Variants in SPDYE1 observed in about 807,000 individuals in gnomAD.
SPDYE1 encodes the protein speedy/RINGO cell cycle regulator family member E1, also known as speedy protein E1.
A neutral mutation model predicts 45.9 loss-of-function variants in SPDYE1; 29 were observed. That is an observed-to-expected ratio of 0.63 (90% CI 0.47 to 0.86). SPDYE1 has a LOEUF of 0.86. SPDYE1 is among the 40% of genes least tolerant of loss of function. The pLI is 0.00. For synonymous variants in SPDYE1, 134 were observed against 176.8 expected, an observed-to-expected ratio of 0.76 and a Z score of 1.92; for missense variants, 346 against 481.4, an observed-to-expected ratio of 0.72 and a Z score of 2.63.
chr7:44,005,374 G>A, intron 6 of SPDYE1, 147 bp downstream of exon 6: 1 of 1,264,452 alleles, frequency 7.9e-7, no homozygotes, highest in Non-Finnish European at 1.1e-6. Context: ...ATCATAGACT[G>A]TTGTTTCTAA....
In SPDYE1 at chr7:44,007,306, C is replaced by A. The variant is rs1233935532; in HGVS notation, c.791C>A (p.Ser264Tyr). ...GACATGGAGGAGGACGACGAGGACT[C>A]CAAACAAAACATCTTCCACTTCCTG... ...ANDMEEDDED[S>Y]KQNIFHFLYG... Residue 264 changes from serine (S) to tyrosine (Y), a missense_variant, in exon 7 of 9, where the codon TCC becomes TAC. Around this residue, in one of 4 missense-constraint regions of SPDYE1, gnomAD observed 186 missense variants for 219.1 expected, o/e 0.85. Coordinates refer to ENST00000693451, the MANE Select transcript of SPDYE1 (RefSeq NM_001378423.2). 2 of 1,613,042 alleles carry A rather than the reference C, an allele frequency of 1.2e-6. No homozygotes were observed. The highest frequency in any genetic ancestry group is 2.2e-5 in the South Asian group (2 of 91,018).
rs1312915471 is a variant in SPDYE1, at chr7:44,007,535, C to T, written c.1020C>T (p.Phe340=). The change falls in exon 7 of 9, where the codon TTC becomes TTT. Residue 340 remains phenylalanine (F), a synonymous_variant. Coordinates refer to ENST00000693451, the MANE Select transcript of SPDYE1 (RefSeq NM_001378423.2). ...IVLFQKRRFH[F]FCSMSCRAWV... The stretch of plus-strand genomic sequence containing the variant: ...TGTTCCAGAAACGTCGGTTCCACTT[C>T]TTCTGTTCCATGAGCTGCAGGGCTT... 2.5e-6 allele frequency: 4 copies of T among 1,613,562 alleles called. No individual in the cohort carries two copies. The highest frequency in any genetic ancestry group is 4.5e-5 in the East Asian group (2 of 44,892).
chr7:44,001,779 A>G (rs955370885), intron 3 of SPDYE1, among the ~76,000 whole-genome samples: 102 of 152,234 alleles, frequency 6.7e-4, no homozygotes, highest in Admixed American at 1.2e-3. Context: ...GCGAAACGTC[A>G]TTTATACTAA....
Position 44,004,887 on chromosome 7 carries a change from A to T in SPDYE1, c.667-255A>T. The T allele has an allele frequency of 5.1e-6, 3 of 582,564 alleles. No homozygotes were observed. In the Admixed American group the frequency reaches 8.3e-5, roughly 16 times the overall value. 36.1% of individuals were successfully genotyped at this position (582,564 alleles called of 1,614,324 possible). A position where few individuals can be genotyped will look rare whatever the true frequency, so the allele number is the denominator to read the frequency against. ...CCTCCTGACACCAGCCAACCTAGAC[A>T]CACCCCCTCCAAAGATCCCATCGGA... On this transcript the variant is annotated intron_variant, in intron 5 of 8. Transcript: ENST00000693451.
At position 44,007,517 on chromosome 7, in the gene SPDYE1, G is replaced by C; in HGVS notation, c.1002G>C (p.Gln334His). ...ACCGCTCTCAGATAGTCCTGTTCCA[G>C]AAACGTCGGTTCCACTTCTTCTGTT... The part of the protein sequence containing the change: ...RKNRSQIVLF[Q>H]KRRFHFFCSM... Residue 334 changes from glutamine to histidine, a missense_variant, in exon 7 of 9, where the codon CAG becomes CAC. By Grantham distance (24) the Gln-to-His change is conservative (BLOSUM62 0). Coordinates refer to ENST00000693451, the MANE Select transcript of SPDYE1 (RefSeq NM_001378423.2). The C allele has an allele frequency of 2.5e-6, 4 of 1,613,862 alleles. No homozygotes were observed. The highest frequency in any genetic ancestry group is 2.5e-6 in the Non-Finnish European group (3 of 1,180,046).
chr7:44,002,736 T>C lies in SPDYE1; in HGVS notation c.526T>C (p.Cys176Arg). 6.3e-7 allele frequency: 1 copy of C among 1,579,242 alleles called. No homozygotes were observed. The highest frequency in any genetic ancestry group is 8.5e-7 in the Non-Finnish European group (1 of 1,172,214). ...PEEIWVAEML[C>R]GLKMKLKRRR... ...GGAGATCTGGGTGGCGGAGATGCTGTGTGGCCTCAAGATGAAGCTGAAGCG... is the reference window on the plus strand; with the variant it reads ...GGAGATCTGGGTGGCGGAGATGCTGCGTGGCCTCAAGATGAAGCTGAAGCG... The change falls in exon 4 of 9, where the codon TGT becomes CGT. Residue 176 changes from cysteine (C) to arginine (R), a missense_variant. Physicochemically the swap from Cys to Arg is radical, Grantham distance 180. Around this residue, in one of 4 missense-constraint regions of SPDYE1, gnomAD observed 141 missense variants for 176.7 expected, o/e 0.80. Coordinates refer to ENST00000693451, the MANE Select transcript of SPDYE1 (RefSeq NM_001378423.2).
intron 3 of SPDYE1, 122 bp downstream of exon 3, chr7:44,001,406 G>A: frequency 6.5e-7 from 1 of 1,528,666 alleles, no homozygotes; most frequent in Non-Finnish European, 8.7e-7. Flanking sequence ...CCACGCAGGA[G>A]GACTCAGAAG....
rs2096072750 is a variant in SPDYE1, at chr7:44,007,340, G to A, written c.825G>A (p.Lys275=). ...ACATCTTCCACTTCCTGTATGGGAAGAACCGCTCTCGCATACCCTTGCTCC... is the reference window on the plus strand; with the variant it reads ...ACATCTTCCACTTCCTGTATGGGAAAAACCGCTCTCGCATACCCTTGCTCC... The part of the protein sequence containing the change: ...KQNIFHFLYG[K]NRSRIPLLRK... The change falls in exon 7 of 9, where the codon AAG becomes AAA. Residue 275 remains lysine (K), a synonymous_variant. Coordinates refer to ENST00000693451, the MANE Select transcript of SPDYE1 (RefSeq NM_001378423.2). 2 of 1,613,076 alleles carry A rather than the reference G, an allele frequency of 1.2e-6. No homozygotes were observed. Among genetic ancestry groups the A allele is most frequent in the East Asian group, 4.5e-5 (2 of 44,894 alleles).
intron 6 of SPDYE1, chr7:44,007,058 G>C (rs979169372): frequency 6.1e-5 from 78 of 1,287,946 alleles, no homozygotes; most frequent in Non-Finnish European, 7.8e-5. Context: ...GCCACCAGTT[G>C]GGTTTTTGTC....
intron 6 of SPDYE1, 146 bp from the exon 7 acceptor site, chr7:44,007,122 C>A: frequency 6.5e-7 from 1 of 1,548,282 alleles, no homozygotes; most frequent in Non-Finnish European, 8.7e-7. Flanking sequence ...CCAGCAGAGC[C>A]CTCCTGAGGA....
rs1235691469 is a variant in SPDYE1 at position 43,999,757 on chromosome 7, TG to T, written c.-191del. On this transcript the variant is annotated 5_prime_UTR_variant, in exon 2 of 9. An upstream open reading frame in the 5' UTR gains an earlier in-frame stop. Transcript: ENST00000693451. ...AGTTACATGTGTTTTTTTTTCAAAC[TG>T]GTTGCCAGGTTGGCATGAACGATGA... 6.9e-6 allele frequency among the ~76,000 whole-genome samples: 1 copy of T among 145,754 alleles called. No homozygotes were observed. The highest frequency in any genetic ancestry group is 1.5e-5 in the Non-Finnish European group (1 of 66,570).
Position 44,002,754 on chromosome 7 carries a change from C to T in SPDYE1, c.544C>T (p.Leu182=), listed in dbSNP as rs1261506590. Residue 182 remains leucine, a synonymous_variant, in exon 4 of 9, where the codon CTG becomes TTG. Transcript: ENST00000693451. The stretch of plus-strand genomic sequence containing the variant: ...GATGCTGTGTGGCCTCAAGATGAAG[C>T]TGAAGCGACGGCGAGTGTCGCTCGT... The part of the protein sequence containing the change: ...AEMLCGLKMK[L]KRRRVSLVLP... The T allele has an allele frequency of 6.4e-7, 1 of 1,571,648 alleles. No homozygotes were observed. The highest frequency in any genetic ancestry group is 1.8e-5 in the Admixed American group (1 of 55,164).
chr7:44,007,497 T>C lies in SPDYE1; in HGVS notation c.982T>C (p.Ser328Pro). The change falls in exon 7 of 9, where the codon TCT becomes CCT. Residue 328 changes from serine (S) to proline (P), a missense_variant. Physicochemically the swap from Ser to Pro is moderately conservative, Grantham distance 74. Transcript: ENST00000693451. The stretch of plus-strand genomic sequence containing the variant: ...GAACCCGAGGGCCAGGAAGAACCGC[T>C]CTCAGATAGTCCTGTTCCAGAAACG... ...CMNPRARKNR[S>P]QIVLFQKRRF... 1.2e-6 allele frequency: 2 copies of C among 1,613,796 alleles called. No homozygotes were observed. The highest frequency in any genetic ancestry group is 1.7e-6 in the Non-Finnish European group (2 of 1,179,936).
chr7:44,001,939 CAAAA>C (rs202109454), intron 3 of SPDYE1, among the ~76,000 whole-genome samples: 6 of 86,790 alleles, frequency 6.9e-5, no homozygotes, highest in Admixed American at 1.3e-4. Flanking sequence ...GACGCTGTCT[CAAAA>C]AAAAAAAAAA....
rs2096076568 is a variant in SPDYE1, at chr7:44,009,736, A to G, written c.*1115A>G. ...TGTGTGATGGTATTATAACTGTTAT[A>G]TACACATACATATAATTTTGTTTTC... On this transcript the variant is annotated 3_prime_UTR_variant, in exon 9 of 9. Coordinates refer to ENST00000693451, the MANE Select transcript of SPDYE1 (RefSeq NM_001378423.2). The G allele has an allele frequency of 6.6e-6, 1 of 151,364 alleles. No individual in the cohort carries two copies. The highest frequency in any genetic ancestry group is 1.5e-5 in the Non-Finnish European group (1 of 67,850). 9.4% of individuals were successfully genotyped at this position (151,364 alleles called of 1,614,324 possible).
chr7:44,005,370 G>T, intron 6 of SPDYE1, 143 bp downstream of exon 6: 3 of 1,282,080 alleles, frequency 2.3e-6, no homozygotes, highest in South Asian at 1.2e-5. Context: ...TACTATCATA[G>T]ACTGTTGTTT....
chr7:44,006,649 C>G (rs1157563180), intron 6 of SPDYE1, among the ~76,000 whole-genome samples: 3 of 152,162 alleles, frequency 2.0e-5, no homozygotes, highest in Non-Finnish European at 4.4e-5. Flanking sequence ...GAGTCTTGCT[C>G]CGCCTCTCAG....
chr7:43,999,404 AC>A (rs1347727461), intron 1 of SPDYE1, among the ~76,000 whole-genome samples, 123 bp from the exon 2 acceptor site: 1 of 151,306 alleles, frequency 6.6e-6, no homozygotes, highest in East Asian at 1.9e-4. Flanking sequence ...GATCTCTTGT[AC>A]ATGATAATCT....
At chr7:43,999,099 G>A (rs2096059148) in intron 1 of SPDYE1, among the ~76,000 whole-genome samples, 1 of 151,920 alleles carries the variant, frequency 6.6e-6, no homozygotes, top group African/African-American at 2.4e-5. Context: ...ATATAGACTA[G>A]AGTTTCTTAG....
Sources: allele counts gnomAD v4.1 joint callset (sites outside exome capture counted in the v4.1 genomes callset), GRCh38; gene constraint gnomAD v4.1.1; regional missense constraint gnomAD v4.1.1; transcripts MANE v1.5; gene names NCBI Gene and HGNC (gene_info 2026-07-23, HGNC 2026-07-21).